Variants in TTC28 observed in about 807,000 individuals in gnomAD.
TTC28 encodes the protein tetratricopeptide repeat domain 28, also known as tetratricopeptide repeat protein 28.
A neutral mutation model predicts 198.0 loss-of-function variants in TTC28; 61 were observed. The observed-to-expected ratio is 0.31, with a 90% CI of 0.25 to 0.38. The LOEUF is 0.38. Among genes scored for constraint, TTC28 ranks in the 10% least tolerant of loss-of-function variants. The pLI is 1.00. For missense variants in TTC28, 2,678 were observed against 3,164.0 expected, an observed-to-expected ratio of 0.85 and a Z score of 3.69; for synonymous variants, 1,171 against 1,297.8, an observed-to-expected ratio of 0.90 and a Z score of 2.10.
At chr22:28,326,237 T>C (rs1269804969) in intron 2 of TTC28, among the ~76,000 whole-genome samples, 2 of 152,162 alleles carry the variant, frequency 1.3e-5, no homozygotes, top group Non-Finnish European at 2.9e-5. Flanking sequence ...CTACATACCA[T>C]ATAATTCCAT....
intron 12 of TTC28, among the ~76,000 whole-genome samples, chr22:28,050,821 C>T (rs965999554): frequency 6.6e-6 from 1 of 152,150 alleles, no homozygotes; most frequent in Non-Finnish European, 1.5e-5. Flanking sequence ...TAATGCTTTG[C>T]GAATGCCCCC....
chr22:28,049,584 C>T (rs1177196849), intron 12 of TTC28, among the ~76,000 whole-genome samples: 1 of 152,204 alleles, frequency 6.6e-6, no homozygotes, highest in Non-Finnish European at 1.5e-5. Flanking sequence ...GCTACTCCTT[C>T]CCTTCCCCCA....
At chr22:27,993,219 C>T in intron 18 of TTC28, 68 bp downstream of exon 18, 3 of 1,381,060 alleles carry the variant, frequency 2.2e-6, no homozygotes, top group Non-Finnish European at 2.9e-6. Flanking sequence ...ATGCGGGGCC[C>T]AAGGCCACCA....
intron 2 of TTC28, among the ~76,000 whole-genome samples, chr22:28,353,985 T>A (rs1289610274): frequency 1.3e-5 from 2 of 152,134 alleles, no homozygotes; most frequent in Admixed American, 6.6e-5. Flanking sequence ...TAAGATATAG[T>A]CACTTCATAC....
intron 2 of TTC28, among the ~76,000 whole-genome samples, chr22:28,308,104 A>G (rs182045652): frequency 7.7e-4 from 118 of 152,310 alleles, no homozygotes; most frequent in African/African-American, 2.8e-3. Flanking sequence ...CTTCTATTAA[A>G]GTACCAGTAG....
At chr22:28,395,298 C>T (rs2046796742) in intron 2 of TTC28, among the ~76,000 whole-genome samples, 1 of 152,184 alleles carries the variant, frequency 6.6e-6, no homozygotes, top group African/African-American at 2.4e-5. Context: ...CTTTCTTTCT[C>T]TTCCCTGCCT....
intron 5 of TTC28, among the ~76,000 whole-genome samples, chr22:28,285,682 C>A (rs1168133597): frequency 6.6e-6 from 1 of 152,122 alleles, no homozygotes; most frequent in Non-Finnish European, 1.5e-5. Context: ...ACCTTGAATA[C>A]ATATAATTTG....
chr22:28,380,296 T>C (rs1217995162), intron 2 of TTC28, among the ~76,000 whole-genome samples: 1 of 152,094 alleles, frequency 6.6e-6, no homozygotes. Context: ...GTTTTGTCTG[T>C]TTGTTTTAAT....
At chr22:28,294,274 G>T (rs2044845957) in intron 5 of TTC28, among the ~76,000 whole-genome samples, 1 of 152,022 alleles carries the variant, frequency 6.6e-6, no homozygotes. Context: ...TTACTTCAGG[G>T]TCCCTTCTAT....
chr22:28,343,210 C>T lies in TTC28; in HGVS notation c.382-36567G>A, dbSNP rs533851948. ...CGGAGATTAGACAGAAAAAAATAGA[C>T]GAGAAAATCAGATGTAACTTTAAAA... On this transcript the variant is annotated intron_variant, in intron 2 of 22. Transcript: ENST00000397906. Among the ~76,000 whole-genome samples, 87 of 151,846 alleles carry T rather than the reference C, an allele frequency of 5.7e-4. 2 individuals are homozygous for T. In the South Asian group the frequency reaches 0.011, roughly 20 times the overall value.
At chr22:28,094,052 A>T in intron 12 of TTC28, 28 bp downstream of exon 12, 2 of 1,497,228 alleles carry the variant, frequency 1.3e-6, no homozygotes, top group Non-Finnish European at 1.8e-6. Context: ...TTATCTGAAA[A>T]TGGACTTGGG....
At position 28,163,366 on chromosome 22, in the gene TTC28, G is replaced by T; in HGVS notation, c.1167C>A (p.Asn389Lys). 1 of 1,552,080 alleles carries T rather than the reference G, an allele frequency of 6.4e-7. No individual in the cohort carries two copies. Among genetic ancestry groups the T allele is most frequent in the East Asian group, 2.4e-5 (1 of 40,930 alleles). The change falls in exon 6 of 23, where the codon AAC becomes AAA. Residue 389 changes from asparagine (N) to lysine (K), a missense_variant. Transcript: ENST00000397906. Reference protein sequence around the residue: ...QHLKIAKDLGNKREEARAYSN... With the variant: ...QHLKIAKDLGKKREEARAYSN... ...TATAAGCCCGGGCCTCTTCTCGCTT[G>T]TTCCCCAGGTCCTTGGCTATCTTCA...
chr22:28,611,153 G>A (rs1427977213), intron 2 of TTC28, among the ~76,000 whole-genome samples: 1 of 152,150 alleles, frequency 6.6e-6, no homozygotes, highest in Non-Finnish European at 1.5e-5. Flanking sequence ...CACTCTTCAG[G>A]ATATTATCCA....
chr22:28,528,193 C>T (rs5997374), intron 2 of TTC28, among the ~76,000 whole-genome samples: 93 of 152,172 alleles, frequency 6.1e-4, no homozygotes, highest in African/African-American at 2.1e-3. Context: ...ATTATCTTTT[C>T]TTCAGTTTCA....
At chr22:28,184,508 AG>A (rs1385683620) in intron 5 of TTC28, among the ~76,000 whole-genome samples, 1 of 152,190 alleles carries the variant, frequency 6.6e-6, no homozygotes, top group Non-Finnish European at 1.5e-5. Flanking sequence ...ATCTTAAAAC[AG>A]AACATAATAT....
At chr22:28,182,892 A>T (rs984640172) in intron 5 of TTC28, among the ~76,000 whole-genome samples, 4 of 152,172 alleles carry the variant, frequency 2.6e-5, no homozygotes, top group Admixed American at 1.3e-4. Context: ...ACCAAATTAC[A>T]AATACATGTG....
intron 12 of TTC28, among the ~76,000 whole-genome samples, chr22:28,044,258 A>G (rs1447626186): frequency 6.6e-5 from 10 of 152,160 alleles, no homozygotes; most frequent in African/African-American, 2.4e-4. Flanking sequence ...AATTTATACT[A>G]TTATCTAACA....
At chr22:28,191,834 G>A (rs1924803632) in intron 5 of TTC28, among the ~76,000 whole-genome samples, 1 of 152,202 alleles carries the variant, frequency 6.6e-6, no homozygotes, top group Admixed American at 6.5e-5. Context: ...AAGGAGGCCT[G>A]CCTGCCTCTG....
At chr22:28,595,225 C>A (rs1046785160) in intron 2 of TTC28, among the ~76,000 whole-genome samples, 5 of 152,232 alleles carry the variant, frequency 3.3e-5, no homozygotes, top group Admixed American at 6.5e-5. Flanking sequence ...AATGATTAAT[C>A]TTTACAACAT....
Sources: gnomAD v4.1 joint callset for allele counts (sites outside exome capture counted in the v4.1 genomes callset) on GRCh38, gnomAD v4.1.1 for gene constraint, MANE v1.5 for transcripts, NCBI Gene and HGNC (gene_info 2026-07-23, HGNC 2026-07-21) for gene names.